Variants in UHRF1 observed in about 807,000 individuals in gnomAD.
UHRF1 encodes the protein E3 ubiquitin-protein ligase UHRF1.
In UHRF1, 9 loss-of-function variants were observed where a neutral mutation model predicts 96.5. That is an observed-to-expected ratio of 0.09 (90% confidence interval 0.06 to 0.16). The LOEUF (loss-of-function observed/expected upper bound fraction) is 0.16. Among genes scored for constraint, UHRF1 ranks in the 10% least tolerant of loss-of-function variants. The pLI is 1.00. For synonymous variants in UHRF1, 455 were observed against 469.9 expected (o/e 0.97, Z 0.41); for missense variants, 626 against 1,131.1 (o/e 0.55, Z 6.40).
chr19:4,941,114 T>G (rs1367291593), intron 5 of UHRF1, among the ~76,000 whole-genome samples: 3 of 106,666 alleles, frequency 2.8e-5, no homozygotes, highest in African/African-American at 1.1e-4. Flanking sequence ...TTTTTGAGAC[T>G]GAGTCTTGCC....
At chr19:4,942,322 C>G (rs2033431567) in intron 7 of UHRF1, among the ~76,000 whole-genome samples, 1 of 152,062 alleles carries the variant, frequency 6.6e-6, no homozygotes, top group Admixed American at 6.6e-5. Context: ...TCCCGAGTAG[C>G]TGGGACTACA....
chr19:4,938,058 G>A (rs1200163350), intron 5 of UHRF1, among the ~76,000 whole-genome samples: 1 of 151,960 alleles, frequency 6.6e-6, no homozygotes, highest in East Asian at 1.9e-4. Context: ...GGAGGCTGAG[G>A]CAGGAGAATC....
At chr19:4,912,334 C>G (rs2032315134) in intron 2 of UHRF1, among the ~76,000 whole-genome samples, 1 of 152,174 alleles carries the variant, frequency 6.6e-6, no homozygotes, top group African/African-American at 2.4e-5. Context: ...ATTTGCCACT[C>G]AGCCTATTGG....
intron 5 of UHRF1, among the ~76,000 whole-genome samples, chr19:4,935,670 C>T (rs546921402): frequency 6.6e-6 from 1 of 152,164 alleles, no homozygotes; most frequent in African/African-American, 2.4e-5. Flanking sequence ...AGGTCTTCAG[C>T]TAGTCGGCTA....
rs148226974 is a variant in UHRF1, at chr19:4,928,105, C to A, written c.154-1117C>A. On this transcript the variant is annotated intron_variant, in intron 2 of 16. Transcript: ENST00000650932. ...GGGTCTCACCCAGGGTGACTTCACA[C>A]CCCCCCACCCCATACCGTATGATGT... 6.2e-4 allele frequency among the ~76,000 whole-genome samples: 95 copies of A among 152,112 alleles called. No individual in the cohort carries two copies. The East Asian group carries it at 0.018, about 29-fold the overall frequency.
intron 2 of UHRF1, among the ~76,000 whole-genome samples, chr19:4,927,616 T>C (rs2146324011): frequency 6.6e-6 from 1 of 152,288 alleles, no homozygotes; most frequent in East Asian, 1.9e-4. Context: ...CTAAGGTCTC[T>C]CTCCTCCCTT....
intron 2 of UHRF1, among the ~76,000 whole-genome samples, chr19:4,914,741 C>G (rs981055404): frequency 4.6e-5 from 7 of 151,952 alleles, no homozygotes; most frequent in African/African-American, 1.7e-4. Context: ...ACGCTCTGCA[C>G]TGTACATAAT....
chr19:4,939,896 T>C (rs536368307), intron 5 of UHRF1, among the ~76,000 whole-genome samples: 86 of 151,828 alleles, frequency 5.7e-4, no homozygotes, highest in South Asian at 4.6e-3. Flanking sequence ...TGGTGGCGGG[T>C]GCCTATAGTG....
At chr19:4,950,050 T>G (rs1022347633) in intron 11 of UHRF1, among the ~76,000 whole-genome samples, 3 of 150,902 alleles carry the variant, frequency 2.0e-5, no homozygotes, top group Admixed American at 1.3e-4. Context: ...TTTTTTTTTT[T>G]TGTGGAGATG....
intron 2 of UHRF1, among the ~76,000 whole-genome samples, chr19:4,920,888 G>A (rs908205741): frequency 3.9e-5 from 6 of 152,198 alleles, no homozygotes; most frequent in Non-Finnish European, 8.8e-5. Context: ...CACTTTGGGA[G>A]GCCAAGGCGG....
intron 5 of UHRF1, 70 bp from the exon 6 acceptor site, chr19:4,941,458 G>A: frequency 7.9e-7 from 1 of 1,259,810 alleles, no homozygotes; most frequent in Non-Finnish European, 1.1e-6. Context: ...AACCCGTGGT[G>A]TTCAAGTGCT....
chr19:4,931,681 C>G (rs939303829), intron 4 of UHRF1, among the ~76,000 whole-genome samples: 1 of 151,726 alleles, frequency 6.6e-6, no homozygotes, highest in Admixed American at 6.6e-5. Context: ...GTAGGTGAGG[C>G]TGGTCTCAAA....
chr19:4,910,214 A>AG (rs1168271476), intron 1 of UHRF1: 1 of 143,778 alleles, frequency 7.0e-6, no homozygotes, highest in Admixed American at 6.9e-5. Context: ...CAGGGTTTGG[A>AG]GGGGCGCGAG....
intron 7 of UHRF1, among the ~76,000 whole-genome samples, chr19:4,942,392 T>G: frequency 6.6e-6 from 1 of 151,410 alleles, no homozygotes; most frequent in Non-Finnish European, 1.5e-5. Context: ...GGGTTTCACC[T>G]TGTTAGCCAG....
chr19:4,905,117 T>C (rs1174681768), upstream of UHRF1, among the ~76,000 whole-genome samples: 4 of 139,724 alleles, frequency 2.9e-5, no homozygotes, highest in East Asian at 2.0e-4. Flanking sequence ...TCTTTTTTTT[T>C]TTTTTTTTTT....
chr19:4,924,342 G>T (rs1398627190), intron 2 of UHRF1, among the ~76,000 whole-genome samples: 2 of 152,092 alleles, frequency 1.3e-5, no homozygotes, highest in African/African-American at 4.8e-5. Context: ...GTAGAGATGG[G>T]GTTTCGCCGT....
chr19:4,911,065 C>G, intron 2 of UHRF1, 27 bp downstream of exon 2: 1 of 1,531,960 alleles, frequency 6.5e-7, no homozygotes, highest in Non-Finnish European at 8.8e-7. Flanking sequence ...CACCTTTGTT[C>G]TATGCCTGGT....
chr19:4,951,755 C>G (rs961789817), intron 13 of UHRF1, among the ~76,000 whole-genome samples: 6 of 149,922 alleles, frequency 4.0e-5, no homozygotes, highest in African/African-American at 1.5e-4. Context: ...CCAGAGAGAT[C>G]TGGACGGAAA....
At chr19:4,947,901 C>T (rs2033616202) in intron 11 of UHRF1, among the ~76,000 whole-genome samples, 2 of 151,284 alleles carry the variant, frequency 1.3e-5, no homozygotes, top group Non-Finnish European at 3.0e-5. Flanking sequence ...AGTTCAAGAC[C>T]AGCCTGGGCA....
Sources: gnomAD v4.1 joint callset for allele counts (sites outside exome capture counted in the v4.1 genomes callset) on GRCh38, gnomAD v4.1.1 for gene constraint, MANE v1.5 for transcripts, NCBI Gene and HGNC (gene_info 2026-07-23, HGNC 2026-07-21) for gene names.